Variants in NPTX2 observed in about 807,000 individuals in gnomAD.
NPTX2 encodes neuronal pentraxin-2.
A neutral mutation model predicts 38.1 loss-of-function variants in NPTX2; 23 were observed. The observed-to-expected ratio is 0.60, with a 90% CI of 0.43 to 0.85. The LOEUF (loss-of-function observed/expected upper bound fraction) is 0.85. Ranked by LOEUF, NPTX2 falls within the 40% of genes least tolerant of loss-of-function variation. The probability of loss-of-function intolerance (pLI) is 0.00; values close to 1 mark genes in which losing one functional copy is unlikely to be tolerated. For missense variants in NPTX2, 553 were observed against 615.3 expected (o/e 0.90, Z 1.07); for synonymous variants, 291 against 287.3 (o/e 1.01, Z -0.13).
In NPTX2 at chr7:98,625,002, A is replaced by G; in HGVS notation, c.724A>G (p.Lys242Glu). ...RTNYLYGKIKKTLPELYAFTI... is the reference protein window; with the variant it reads ...RTNYLYGKIKETLPELYAFTI... ...AAACTACCTATACGGCAAGATCAAG[A>G]AGACGCTGCCTGAGCTGTACGCCTT... Residue 242 changes from lysine to glutamate, a missense_variant, in exon 3 of 5, where the codon AAG becomes GAG. Physicochemically the swap from Lys to Glu is moderately conservative, Grantham distance 56. Coordinates refer to ENST00000265634, the MANE Select transcript of NPTX2 (RefSeq NM_002523.3). The G allele has an allele frequency of 6.2e-7, 1 of 1,613,966 alleles. No homozygotes were observed. The highest frequency in any genetic ancestry group is 8.5e-7 in the Non-Finnish European group (1 of 1,180,038).
intron 1 of NPTX2, among the ~76,000 whole-genome samples, chr7:98,619,168 A>G (rs1457299263): frequency 1.3e-5 from 2 of 152,210 alleles, no homozygotes; most frequent in Non-Finnish European, 2.9e-5. Flanking sequence ...GCAACGTTTT[A>G]GATCTGTCAT....
intron 2 of NPTX2, among the ~76,000 whole-genome samples, chr7:98,623,581 C>CA (rs1358442114): frequency 1.3e-5 from 2 of 152,188 alleles, no homozygotes; most frequent in Non-Finnish European, 2.9e-5. Flanking sequence ...TCAATAAACT[C>CA]AGTCTTCTCT....
At position 98,627,373 on chromosome 7, in the gene NPTX2, CAG is replaced by C. The variant is rs1584144192; in HGVS notation, c.1068+30_1068+31del. 11 of 1,600,836 alleles carry C rather than the reference CAG, an allele frequency of 6.9e-6. No individual in the cohort carries two copies. The East Asian group carries it at 2.5e-4, about 36-fold the overall frequency. ...GGTGCAGGGCAGGTGCAGGTGGGCA[CAG>C]GGTGGGTGCAGGATGGGCACAGGGT... is the stretch of plus-strand genomic sequence containing the variant. On this transcript the variant is annotated intron_variant, in intron 4 of 4. Coordinates refer to ENST00000265634, the MANE Select transcript of NPTX2 (RefSeq NM_002523.3).
chr7:98,623,660 A>G (rs1251624511), intron 2 of NPTX2, among the ~76,000 whole-genome samples: 4 of 152,200 alleles, frequency 2.6e-5, no homozygotes, highest in Non-Finnish European at 4.4e-5. Context: ...GAGTTAAGTT[A>G]TGGAGTCAAG....
rs1306259536 is a variant in NPTX2 at position 98,628,266 on chromosome 7, C to T, written c.1069-136C>T. 8.7e-6 allele frequency: 5 copies of T among 576,664 alleles called. No homozygotes were observed. The East Asian group carries it at 1.4e-4, about 16-fold the overall frequency. 35.7% of individuals were successfully genotyped at this position (576,664 alleles called of 1,614,324 possible). On this transcript the variant is annotated intron_variant, in intron 4 of 4. Coordinates refer to ENST00000265634, the MANE Select transcript of NPTX2 (RefSeq NM_002523.3). ...CCAGTTCTGACATGCCTGGGAGCTT[C>T]AGAACCTACAGAAACAGGTAGTGTT...
intron 2 of NPTX2, among the ~76,000 whole-genome samples, chr7:98,624,131 A>AT (rs1048090074): frequency 1.3e-5 from 2 of 152,094 alleles, no homozygotes; most frequent in Admixed American, 1.3e-4. Context: ...TAATTTTTAT[A>AT]TTTTTTGTAG....
At chr7:98,627,135 A>G (rs1344075324) in intron 3 of NPTX2, 30 bp from the exon 4 acceptor site, 2 of 1,569,874 alleles carry the variant, frequency 1.3e-6, no homozygotes, top group Admixed American at 1.7e-5. Flanking sequence ...TGGGCCCAGC[A>G]GGTCCTTACC....
At chr7:98,624,891 A>G (rs1791321972) in intron 2 of NPTX2, 31 bp from the exon 3 acceptor site, 1 of 1,592,448 alleles carries the variant, frequency 6.3e-7, no homozygotes, top group Non-Finnish European at 8.6e-7. Context: ...GGCCTAACGC[A>G]CTCCTGGCCT....
At chr7:98,627,056 G>A in intron 3 of NPTX2, 109 bp from the exon 4 acceptor site, 1 of 685,352 alleles carries the variant, frequency 1.5e-6, no homozygotes, top group Non-Finnish European at 2.5e-6. Flanking sequence ...GGTGACAGGA[G>A]GAGCAGTGTG....
intron 3 of NPTX2, among the ~76,000 whole-genome samples, chr7:98,626,185 C>T (rs934527500): frequency 5.9e-5 from 9 of 151,478 alleles, no homozygotes; most frequent in Admixed American, 2.6e-4. Context: ...CTTTGGGCCT[C>T]CTGGGGACCT....
chr7:98,623,265 G>T (rs1361715611), intron 2 of NPTX2, among the ~76,000 whole-genome samples: 2 of 152,184 alleles, frequency 1.3e-5, no homozygotes, highest in African/African-American at 4.8e-5. Context: ...CCTTTGCCAT[G>T]ACAGCTGGCA....
chr7:98,625,294 G>A (rs1029461623), intron 3 of NPTX2, 128 bp downstream of exon 3: 3 of 1,292,350 alleles, frequency 2.3e-6, no homozygotes, highest in African/African-American at 3.0e-5. Context: ...GGACTGCGGG[G>A]CTGTCCTCCT....
chr7:98,620,985 G>A (rs1199668931), intron 2 of NPTX2, among the ~76,000 whole-genome samples: 6 of 152,066 alleles, frequency 3.9e-5, no homozygotes, highest in African/African-American at 9.7e-5. Context: ...TGGTATGCCC[G>A]TTTCATAGAT....
intron 4 of NPTX2, 143 bp downstream of exon 4, chr7:98,627,487 C>G: frequency 1.4e-6 from 1 of 692,268 alleles, no homozygotes. Flanking sequence ...CTCCCGGCCC[C>G]AGCTGTTGGC....
chr7:98,628,030 G>A (rs1791382369), intron 4 of NPTX2, among the ~76,000 whole-genome samples: 1 of 152,088 alleles, frequency 6.6e-6, no homozygotes, highest in African/African-American at 2.4e-5. Flanking sequence ...ATGGACAGTG[G>A]GGCGTAGACT....
In NPTX2 at chr7:98,628,613, G is replaced by A. The variant is rs369863365; in HGVS notation, c.1280G>A (p.Arg427His). The change falls in exon 5 of 5, where the codon CGT becomes CAT. Residue 427 changes from arginine to histidine, a missense_variant. Transcript: ENST00000265634. ...SKWPVETCEERLLDL is the reference protein window; with the variant it reads ...SKWPVETCEEHLLDL The stretch of plus-strand genomic sequence containing the variant: ...TGGCCCGTGGAGACGTGTGAGGAGC[G>A]TCTCCTTGACTTGTAGCCGCCTTCT... 1.3e-5 allele frequency: 20 copies of A among 1,550,806 alleles called. No individual in the cohort carries two copies. Among genetic ancestry groups the A allele is most frequent in the South Asian group, 2.4e-5 (2 of 82,856 alleles).
rs771852031 is a variant in NPTX2 at position 98,617,725 on chromosome 7, G to A, written c.264G>A (p.Thr88=). 113 of 1,427,992 alleles carry A rather than the reference G, an allele frequency of 7.9e-5. No individual in the cohort carries two copies. The South Asian group carries it at 9.8e-4, about 12-fold the overall frequency. The allele number at this position is 1,427,992 out of a possible 1,614,324, so 88.5% of individuals were successfully genotyped here. The change falls in exon 1 of 5, where the codon ACG becomes ACA. Residue 88 remains threonine, a synonymous_variant. Transcript: ENST00000265634. Reference sequence around the variant, plus strand: ...AGCGCGAGGCCATCCGCGAGCTCACGGGCAAGCTAGCGCGCTGCGAGGGGC... The same window carrying A: ...AGCGCGAGGCCATCCGCGAGCTCACAGGCAAGCTAGCGCGCTGCGAGGGGC... ...GAQREAIREL[T]GKLARCEGLA...
At chr7:98,618,441 G>C (rs1320544173) in intron 1 of NPTX2, among the ~76,000 whole-genome samples, 2 of 152,134 alleles carry the variant, frequency 1.3e-5, no homozygotes. Flanking sequence ...GGCGACCCCA[G>C]AGCGCGCATT....
chr7:98,628,917 G>T lies in NPTX2; in HGVS notation c.*288G>T, dbSNP rs2115640098. ...GCCTTCCTGCTGCAAGTGGAGGCAG[G>T]TCCAGCAGCCCCTCTTCAGAGCCCC... On this transcript the variant is annotated 3_prime_UTR_variant, in exon 5 of 5. Coordinates refer to ENST00000265634, the MANE Select transcript of NPTX2 (RefSeq NM_002523.3). 1 of 330,028 alleles carries T rather than the reference G, an allele frequency of 3.0e-6. No individual in the cohort carries two copies. Among genetic ancestry groups the T allele is most frequent in the Admixed American group, 4.5e-5 (1 of 22,420 alleles). The allele number at this position is 330,028 out of a possible 1,614,324, so 20.4% of individuals were successfully genotyped here.
Sources: gnomAD v4.1 joint callset for allele counts (sites outside exome capture counted in the v4.1 genomes callset) on GRCh38, gnomAD v4.1.1 for gene constraint, MANE v1.5 for transcripts, NCBI Gene and HGNC (gene_info 2026-07-23, HGNC 2026-07-21) for gene names.